The following AK9 variants were observed in gnomAD, a reference collection of about 807,000 sequenced individuals.
AK9 encodes adenylate kinase 9, also known as adenylate kinase domain containing 1.
In AK9, 191 loss-of-function variants were observed where a neutral mutation model predicts 239.6. The observed-to-expected ratio is 0.80, with a 90% CI of 0.71 to 0.90. The LOEUF (loss-of-function observed/expected upper bound fraction) is 0.90. AK9 is among the 40% of genes least tolerant of loss of function. The pLI is 0.00. For missense variants in AK9, 1,995 were observed against 2,214.7 expected, an observed-to-expected ratio of 0.90 and a Z score of 1.99; for synonymous variants, 689 against 721.0, an observed-to-expected ratio of 0.96 and a Z score of 0.71.
At chr6:109,640,541 G>A (rs999078064) in intron 10 of AK9, among the ~76,000 whole-genome samples, 5 of 151,660 alleles carry the variant, frequency 3.3e-5, no homozygotes, top group African/African-American at 1.2e-4. Context: ...GCAGACTGGA[G>A]CTGTTCCTAT....
At chr6:109,577,144 T>A (rs1788202833) in intron 20 of AK9, among the ~76,000 whole-genome samples, 1 of 152,142 alleles carries the variant, frequency 6.6e-6, no homozygotes, top group Non-Finnish European at 1.5e-5. Flanking sequence ...ATGGCTTTTA[T>A]TACCTTGAGG....
At chr6:109,564,568 AAACCAGTGTTAT>A (rs1459090038) in intron 22 of AK9, among the ~76,000 whole-genome samples, 176 bp downstream of exon 22, 2 of 136,854 alleles carry the variant, frequency 1.5e-5, no homozygotes, top group Non-Finnish European at 3.3e-5. Flanking sequence ...ATTTGTGTAA[AAACCAGTGTTAT>A]AATCTAGTTT....
chr6:109,618,633 GAA>G (rs1794462456), intron 13 of AK9, among the ~76,000 whole-genome samples: 2 of 152,254 alleles, frequency 1.3e-5, no homozygotes, highest in Admixed American at 1.3e-4. Context: ...TAAAATTAGA[GAA>G]GGGTGTTAAG....
At chr6:109,550,510 A>T (rs77560134) in intron 24 of AK9, 497 of 432,460 alleles carry the variant, frequency 1.1e-3, no homozygotes, top group African/African-American at 9.6e-3. Context: ...CTTTATTTTC[A>T]TGAGGAAAAT....
chr6:109,508,399 T>C (rs1778332440), intron 33 of AK9, among the ~76,000 whole-genome samples: 1 of 152,156 alleles, frequency 6.6e-6, no homozygotes. Flanking sequence ...GTCCTTCTTA[T>C]GCAAAGCTGA....
chr6:109,687,429 G>A (rs1773663999), intron 1 of AK9, among the ~76,000 whole-genome samples: 1 of 152,166 alleles, frequency 6.6e-6, no homozygotes, highest in Non-Finnish European at 1.5e-5. Context: ...CAGAATGTCT[G>A]TCTCATGAAT....
At position 109,495,442 on chromosome 6, in the gene AK9, T is replaced by G; in HGVS notation, c.5316-2A>C. The stretch of plus-strand genomic sequence containing the variant: ...TGTTCCCAGTATTTCAGTGGCGACC[T>G]AAGAACACAAAGTTCATTAGATGGA... On this transcript the variant is annotated splice_acceptor_variant, in intron 38 of 40. Transcript: ENST00000424296. LOFTEE classifies it high-confidence loss of function. The G allele has an allele frequency of 6.2e-7, 1 of 1,609,836 alleles. No homozygotes were observed. Among genetic ancestry groups the G allele is most frequent in the South Asian group, 1.1e-5 (1 of 90,706 alleles).
chr6:109,538,865 G>C (rs900165299), intron 27 of AK9, among the ~76,000 whole-genome samples: 1 of 152,136 alleles, frequency 6.6e-6, no homozygotes, highest in Non-Finnish European at 1.5e-5. Context: ...CAGTTATGAA[G>C]CTTAGTTTGG....
chr6:109,608,883 A>AC (rs986887594), intron 17 of AK9, among the ~76,000 whole-genome samples: 2 of 152,018 alleles, frequency 1.3e-5, no homozygotes, highest in Non-Finnish European at 2.9e-5. Context: ...AACCCCCCAA[A>AC]CCCCAAAACA....
intron 9 of AK9, among the ~76,000 whole-genome samples, chr6:109,642,051 G>C (rs1797519433): frequency 6.6e-6 from 1 of 152,194 alleles, no homozygotes; most frequent in Non-Finnish European, 1.5e-5. Context: ...GCCATGTGAA[G>C]ATGGAGGCAG....
chr6:109,617,041 C>T (rs1794264823), intron 13 of AK9, among the ~76,000 whole-genome samples: 1 of 151,988 alleles, frequency 6.6e-6, no homozygotes, highest in Non-Finnish European at 1.5e-5. Context: ...ATAAAAAGAT[C>T]CCATTCACTA....
chr6:109,564,861 G>T lies in AK9; in HGVS notation c.2345-16C>A, dbSNP rs553617036. 1 of 1,497,192 alleles carries T rather than the reference G, an allele frequency of 6.7e-7. No individual in the cohort carries two copies. Among genetic ancestry groups the T allele is most frequent in the Non-Finnish European group, 9.0e-7 (1 of 1,112,854 alleles). 92.7% of individuals were successfully genotyped at this position (1,497,192 alleles called of 1,614,324 possible). On this transcript the variant is annotated splice_polypyrimidine_tract_variant and intron_variant, in intron 21 of 40. Coordinates refer to ENST00000424296, the MANE Select transcript of AK9 (RefSeq NM_001145128.3). ...GGCTCAGATACTTAAGAAAGAAATC[G>T]AATAGTTAGTGTTTAAATTTGAAAA...
In AK9 at chr6:109,506,739, T is replaced by C. The variant is rs1047339748; in HGVS notation, c.4543A>G (p.Ile1515Val). The change falls in exon 34 of 41, where the codon ATC becomes GTC. Residue 1515 changes from isoleucine (I) to valine (V), a missense_variant. Around this residue, in one of 5 missense-constraint regions of AK9, gnomAD observed 45 missense variants for 80.5 expected, o/e 0.56. Transcript: ENST00000424296. ...AATTCAAAGATGACCATGGGAATGA[T>C]TGACCTAGCTTCCAAGAGATTCATT... ...HQMNLLEARS[I>V]IPMVIFELSV... is the part of the protein sequence containing the mutation. The C allele has an allele frequency of 1.0e-5, 16 of 1,531,354 alleles. No homozygotes were observed. The highest frequency in any genetic ancestry group is 2.8e-5 in the African/African-American group (2 of 72,638). The allele number at this position is 1,531,354 out of a possible 1,614,324, so 94.9% of individuals were successfully genotyped here.
intron 5 of AK9, among the ~76,000 whole-genome samples, chr6:109,670,502 A>G (rs1770694067): frequency 6.6e-6 from 1 of 152,202 alleles, no homozygotes; most frequent in South Asian, 2.1e-4. Flanking sequence ...GCATCTTTAT[A>G]CTAATCTCCC....
At chr6:109,603,628 G>A (rs1272951660) in intron 17 of AK9, among the ~76,000 whole-genome samples, 1 of 152,194 alleles carries the variant, frequency 6.6e-6, no homozygotes, top group African/African-American at 2.4e-5. Flanking sequence ...AGTCTGCAGA[G>A]GTTTCTGCTG....
chr6:109,621,957 A>C lies in AK9; in HGVS notation c.1255-2721T>G, dbSNP rs1322751929. On this transcript the variant is annotated intron_variant, in intron 12 of 40. Coordinates refer to ENST00000424296, the MANE Select transcript of AK9 (RefSeq NM_001145128.3). ...GAAATTCCAGAGCAAAAAAAACAAAAAAAAAAACAAAAAAAACTGTCAAAG... is the reference window on the plus strand; with the variant it reads ...GAAATTCCAGAGCAAAAAAAACAAACAAAAAAACAAAAAAAACTGTCAAAG... Among the ~76,000 whole-genome samples the C allele has an allele frequency of 4.7e-5, 7 of 147,902 alleles. No homozygotes were observed. The East Asian group carries it at 1.4e-3, about 29-fold the overall frequency.
chr6:109,633,625 C>G (rs1362076183), intron 10 of AK9, among the ~76,000 whole-genome samples: 1 of 152,084 alleles, frequency 6.6e-6, no homozygotes, highest in Non-Finnish European at 1.5e-5. Flanking sequence ...GTAAAATAAG[C>G]ATAAGGTAGA....
chr6:109,521,527 A>G lies in AK9; in HGVS notation c.3634-4885T>C, dbSNP rs1038931498. 1.1e-4 allele frequency among the ~76,000 whole-genome samples: 16 copies of G among 152,140 alleles called. No individual in the cohort carries two copies. In the East Asian group the frequency reaches 2.9e-3, roughly 28 times the overall value. On this transcript the variant is annotated intron_variant, in intron 29 of 40. Coordinates refer to ENST00000424296, the MANE Select transcript of AK9 (RefSeq NM_001145128.3). ...AGTTTCTAAGTATTTTGTCTCCAAT[A>G]TTACTACATTTATGTCCCTGTCCTA...
intron 3 of AK9, 118 bp from the exon 4 acceptor site, chr6:109,672,285 T>C: frequency 1.1e-6 from 1 of 921,576 alleles, no homozygotes; most frequent in Non-Finnish European, 1.7e-6. Context: ...CACTTTATAA[T>C]TTACAATGCA....
Sources: gnomAD v4.1 joint callset for allele counts (sites outside exome capture counted in the v4.1 genomes callset) on GRCh38, gnomAD v4.1.1 for gene constraint, gnomAD v4.1.1 regional missense constraint, MANE v1.5 for transcripts, NCBI Gene and HGNC (gene_info 2026-07-23, HGNC 2026-07-21) for gene names.